ARFGEF3: variants seen among roughly 807,000 people sequenced by gnomAD.
ARFGEF3 encodes ARFGEF family member 3, also known as brefeldin A-inhibited guanine nucleotide-exchange protein 3.
ARFGEF3 carries 96 observed loss-of-function variants against 221.7 expected under a neutral mutation model. That is an observed-to-expected ratio of 0.43 (90% CI 0.37 to 0.51). The LOEUF (loss-of-function observed/expected upper bound fraction) is 0.51. Among genes scored for constraint, ARFGEF3 ranks in the 20% least tolerant of loss-of-function variants. ARFGEF3 has a pLI of 0.00. For missense variants in ARFGEF3, 2,410 were observed against 2,789.9 expected, an observed-to-expected ratio of 0.86 and a Z score of 3.07; for synonymous variants, 1,145 against 1,126.8, an observed-to-expected ratio of 1.02 and a Z score of -0.32.
chr6:138,234,757 T>G (rs1778254569), intron 5 of ARFGEF3, among the ~76,000 whole-genome samples: 1 of 152,212 alleles, frequency 6.6e-6, no homozygotes, highest in Non-Finnish European at 1.5e-5. Context: ...ATCCTTTCTA[T>G]TTTTAATCAC....
At chr6:138,223,674 C>T (rs1426692739) in intron 4 of ARFGEF3, among the ~76,000 whole-genome samples, 1 of 152,144 alleles carries the variant, frequency 6.6e-6, no homozygotes, top group East Asian at 1.9e-4. Context: ...TAGGTTGACT[C>T]CCCAAAATCA....
rs1326756083 is a variant in ARFGEF3, at chr6:138,291,537, C to T, written c.3048-196C>T. On this transcript the variant is annotated intron_variant, in intron 18 of 33. Transcript: ENST00000251691. This position sits in a 1 kb window ranked among gnomAD's most constrained non-coding sequence, Gnocchi z 4.5. ...TTACCCATTTCAAGGCTGTCTGGTC[C>T]AACTCAAATACTACTAATAATAATG... Among the ~76,000 whole-genome samples, 1 of 152,054 alleles carries T rather than the reference C, an allele frequency of 6.6e-6. No homozygotes were observed. The highest frequency in any genetic ancestry group is 2.4e-5 in the African/African-American group (1 of 41,388).
At chr6:138,163,166 T>G (rs145290249) in intron 1 of ARFGEF3, among the ~76,000 whole-genome samples, 176 of 152,346 alleles carry the variant, frequency 1.2e-3, no homozygotes, top group African/African-American at 3.9e-3. Context: ...TGTAAAATTT[T>G]GAGAGTGGTT....
At chr6:138,179,934 C>T (rs1777045143) in intron 2 of ARFGEF3, among the ~76,000 whole-genome samples, 2 of 152,294 alleles carry the variant, frequency 1.3e-5, no homozygotes, top group South Asian at 4.1e-4. Context: ...CTCAGCCTCC[C>T]AAGTAGCTAG....
intron 5 of ARFGEF3, among the ~76,000 whole-genome samples, chr6:138,232,639 C>T (rs758018696): frequency 6.6e-5 from 10 of 152,074 alleles, no homozygotes; most frequent in Admixed American, 4.6e-4. Context: ...ATTGTTTTTT[C>T]CTCTAAGGTT....
chr6:138,332,652 T>TA (rs1390538411), intron 32 of ARFGEF3, among the ~76,000 whole-genome samples: 2 of 152,196 alleles, frequency 1.3e-5, no homozygotes, highest in East Asian at 3.8e-4. Flanking sequence ...AAGTTTCTGT[T>TA]AAAAATTATG....
At chr6:138,263,730 G>A (rs1384404302) in intron 12 of ARFGEF3, 119 bp downstream of exon 12, 4 of 979,170 alleles carry the variant, frequency 4.1e-6, no homozygotes, top group Non-Finnish European at 5.9e-6. Context: ...TGTATCTTTG[G>A]GTTTCCCCAG....
intron 2 of ARFGEF3, among the ~76,000 whole-genome samples, chr6:138,180,427 C>T (rs1777056090): frequency 6.6e-6 from 1 of 152,214 alleles, no homozygotes; most frequent in African/African-American, 2.4e-5. Flanking sequence ...AGGTAGATTA[C>T]AAACATCTGT....
chr6:138,292,490 T>C (rs2114637931), intron 19 of ARFGEF3, among the ~76,000 whole-genome samples: 1 of 152,350 alleles, frequency 6.6e-6, no homozygotes, highest in African/African-American at 2.4e-5. Context: ...CCCACATGCA[T>C]GTGTTACTTA....
At chr6:138,328,622 C>T (rs935425867) in intron 32 of ARFGEF3, among the ~76,000 whole-genome samples, 1 of 152,092 alleles carries the variant, frequency 6.6e-6, no homozygotes, top group Non-Finnish European at 1.5e-5. Flanking sequence ...CAAATATAGT[C>T]ACATTCTGAG....
At chr6:138,318,476 AATATTC>A (rs1244793467) in intron 27 of ARFGEF3, among the ~76,000 whole-genome samples, 1 of 152,358 alleles carries the variant, frequency 6.6e-6, no homozygotes, top group East Asian at 1.9e-4. Context: ...AAAGCATGTA[AATATTC>A]TGCAGGCGTT....
chr6:138,319,981 G>A, intron 28 of ARFGEF3, 102 bp downstream of exon 28: 2 of 930,016 alleles, frequency 2.2e-6, no homozygotes, highest in Non-Finnish European at 3.3e-6. Flanking sequence ...ACGAATGCAG[G>A]GTTTTTGTCC....
intron 24 of ARFGEF3, 53 bp from the exon 25 acceptor site, chr6:138,311,354 G>A: frequency 8.8e-7 from 1 of 1,138,244 alleles, no homozygotes; most frequent in African/African-American, 1.5e-5. Flanking sequence ...TCCTGTTACA[G>A]GGGGGCACGC....
intron 2 of ARFGEF3, among the ~76,000 whole-genome samples, chr6:138,174,460 A>G (rs763603099): frequency 1.9e-5 from 2 of 106,762 alleles, no homozygotes; most frequent in Non-Finnish European, 3.4e-5. Context: ...CTTCTATTTG[A>G]GCATCTGCTA....
intron 2 of ARFGEF3, among the ~76,000 whole-genome samples, chr6:138,195,733 G>A (rs1003212956): frequency 6.6e-6 from 1 of 152,164 alleles, no homozygotes; most frequent in Non-Finnish European, 1.5e-5. Flanking sequence ...GCTCCTAGAA[G>A]AGGAAACCCT....
intron 24 of ARFGEF3, among the ~76,000 whole-genome samples, chr6:138,309,656 A>G (rs1049099642): frequency 2.8e-4 from 43 of 152,216 alleles, no homozygotes; most frequent in African/African-American, 9.9e-4. Context: ...GCAAGCTGGA[A>G]AACCAAGGAA....
At chr6:138,163,053 C>A (rs1362782412) in intron 1 of ARFGEF3, among the ~76,000 whole-genome samples, 1 of 152,198 alleles carries the variant, frequency 6.6e-6, no homozygotes, top group East Asian at 1.9e-4. Flanking sequence ...GAAATTGACT[C>A]CCTTTCCCTT....
intron 2 of ARFGEF3, among the ~76,000 whole-genome samples, chr6:138,202,904 C>CCACACACACATGCACACACACCCA (rs1554249959): frequency 6.7e-6 from 1 of 148,684 alleles, no homozygotes; most frequent in African/African-American, 2.5e-5. Context: ...GCACACACAC[C>CCACACACACATGCACACACACCCA]CACACACACA....
intron 2 of ARFGEF3, among the ~76,000 whole-genome samples, chr6:138,196,089 A>G (rs1398117122): frequency 1.3e-5 from 2 of 152,146 alleles, no homozygotes; most frequent in Non-Finnish European, 2.9e-5. Context: ...TTTGAGATTG[A>G]CAAATGGTAA....
Sources: gnomAD v4.1 joint callset for allele counts (sites outside exome capture counted in the v4.1 genomes callset) on GRCh38, gnomAD v4.1.1 for gene constraint, Gnocchi (gnomAD v3.1) non-coding constraint, MANE v1.5 for transcripts, NCBI Gene and HGNC (gene_info 2026-07-23, HGNC 2026-07-21) for gene names.